The following TMPRSS12 variants were observed in gnomAD, a reference collection of about 807,000 sequenced individuals.
TMPRSS12 encodes the protein transmembrane protease serine 12.
In TMPRSS12, 25 loss-of-function variants were observed where a neutral mutation model predicts 26.0. The observed-to-expected ratio is 0.96, with a 90% CI of 0.70 to 1.34. The LOEUF (loss-of-function observed/expected upper bound fraction) is 1.34. Among genes scored for constraint, TMPRSS12 ranks in the 40% most tolerant of loss-of-function variants. The pLI, the probability that TMPRSS12 is intolerant of heterozygous loss-of-function variation, is 0.00. For synonymous variants in TMPRSS12, 150 were observed against 161.7 expected (o/e 0.93, Z 0.55); for missense variants, 441 against 440.1 (o/e 1.00, Z -0.02).
At chr12:50,864,699 C>G (rs1481781680) in intron 3 of TMPRSS12, among the ~76,000 whole-genome samples, 2 of 152,136 alleles carry the variant, frequency 1.3e-5, no homozygotes, top group African/African-American at 4.8e-5. Flanking sequence ...TGCTCTGTCA[C>G]CCAGCTGGAG....
intron 2 of TMPRSS12, among the ~76,000 whole-genome samples, chr12:50,857,490 C>T (rs1937889920): frequency 1.3e-5 from 2 of 152,158 alleles, no homozygotes; most frequent in African/African-American, 2.4e-5. Context: ...TATGCATGCA[C>T]TCACATAAAC....
chr12:50,855,034 G>T (rs1187164536), intron 2 of TMPRSS12, among the ~76,000 whole-genome samples: 1 of 152,096 alleles, frequency 6.6e-6, no homozygotes, highest in Non-Finnish European at 1.5e-5. Flanking sequence ...AACAAAGCTG[G>T]AGGCATCATA....
At chr12:50,847,308 C>T (rs577769850) in intron 2 of TMPRSS12, among the ~76,000 whole-genome samples, 4 of 151,848 alleles carry the variant, frequency 2.6e-5, no homozygotes, top group African/African-American at 9.6e-5. Context: ...CCGCCCGTCT[C>T]GGCCTCCCAA....
chr12:50,857,922 G>A (rs544502508), intron 2 of TMPRSS12, among the ~76,000 whole-genome samples: 1 of 151,634 alleles, frequency 6.6e-6, no homozygotes, highest in South Asian at 2.1e-4. Context: ...CCCGCCTCCC[G>A]GGTTCATGCC....
intron 2 of TMPRSS12, among the ~76,000 whole-genome samples, chr12:50,856,222 A>G (rs1937875805): frequency 6.6e-6 from 1 of 152,126 alleles, no homozygotes; most frequent in East Asian, 1.9e-4. Flanking sequence ...AAAGATATAA[A>G]TAAAAGTGTT....
At chr12:50,864,041 G>A (rs894402618) in intron 3 of TMPRSS12, among the ~76,000 whole-genome samples, 6 of 151,930 alleles carry the variant, frequency 3.9e-5, no homozygotes, top group African/African-American at 1.2e-4. Flanking sequence ...ACCTCCTATC[G>A]CCATCCCCAT....
At chr12:50,875,489 CA>C (rs56816598) in intron 3 of TMPRSS12, among the ~76,000 whole-genome samples, 111 of 69,476 alleles carry the variant, frequency 1.6e-3, no homozygotes, top group African/African-American at 2.2e-3. Context: ...GACTCCATCT[CA>C]AAAAAAAAAA....
Position 50,887,541 on chromosome 12 carries a change from A to G in TMPRSS12, c.*28A>G. On this transcript the variant is annotated 3_prime_UTR_variant, in exon 5 of 5. Transcript: ENST00000398458. ...AAATTCTGAAGGCTTTCATATCTTT[A>G]TTTTGCATTGTGTCCCTTTCTATGT... is the stretch of plus-strand genomic sequence containing the variant. 6.3e-7 allele frequency: 1 copy of G among 1,599,020 alleles called. No individual in the cohort carries two copies. Among genetic ancestry groups the G allele is most frequent in the East Asian group, 2.2e-5 (1 of 44,750 alleles).
intron 3 of TMPRSS12, among the ~76,000 whole-genome samples, chr12:50,876,623 C>T (rs553600638): frequency 1.5e-4 from 22 of 151,654 alleles, no homozygotes; most frequent in African/African-American, 4.6e-4. Context: ...GCTAACACGG[C>T]GAAACCCCGT....
chr12:50,867,722 A>G (rs1421621680), intron 3 of TMPRSS12, among the ~76,000 whole-genome samples: 1 of 152,190 alleles, frequency 6.6e-6, no homozygotes, highest in African/African-American at 2.4e-5. Context: ...GAGCCGTGAG[A>G]CAAAAGCACT....
chr12:50,876,851 T>C (rs942544007), intron 3 of TMPRSS12, among the ~76,000 whole-genome samples: 6 of 146,514 alleles, frequency 4.1e-5, no homozygotes, highest in African/African-American at 1.5e-4. Context: ...GTGGTACATA[T>C]GCACCATGGA....
At chr12:50,861,548 T>C (rs979052927) in intron 3 of TMPRSS12, among the ~76,000 whole-genome samples, 7 of 152,172 alleles carry the variant, frequency 4.6e-5, no homozygotes, top group Non-Finnish European at 7.4e-5. Flanking sequence ...ATTGACTCTT[T>C]AATAATAATT....
Position 50,844,388 on chromosome 12 carries a change from T to C in TMPRSS12, c.383+351T>C, listed in dbSNP as rs149191014. Among the ~76,000 whole-genome samples, 245 of 152,062 alleles carry C rather than the reference T, an allele frequency of 1.6e-3. 1 individual carries two copies. Among genetic ancestry groups the C allele is most frequent in the African/African-American group, 5.5e-3 (230 of 41,496 alleles). The stretch of plus-strand genomic sequence containing the variant: ...AATCCTTTATTTTTTACTTTTTTTT[T>C]TTTGAAATGGAGTGTCACTCTGTTA... On this transcript the variant is annotated intron_variant, in intron 2 of 4. Transcript: ENST00000398458.
intron 3 of TMPRSS12, among the ~76,000 whole-genome samples, chr12:50,876,192 A>C (rs1002503481): frequency 1.3e-5 from 2 of 152,238 alleles, no homozygotes; most frequent in African/African-American, 4.8e-5. Context: ...AATCAAAACC[A>C]TAATGAGATA....
intron 2 of TMPRSS12, among the ~76,000 whole-genome samples, chr12:50,855,134 G>A (rs1937863519): frequency 6.6e-6 from 1 of 152,060 alleles, no homozygotes; most frequent in Non-Finnish European, 1.5e-5. Flanking sequence ...AATGGAACAG[G>A]TTAGAGAACC....
In TMPRSS12 at chr12:50,885,342, C is replaced by A; in HGVS notation, c.749C>A (p.Thr250Asn). The A allele has an allele frequency of 1.2e-6, 2 of 1,613,806 alleles. No homozygotes were observed. The highest frequency in any genetic ancestry group is 1.7e-6 in the Non-Finnish European group (2 of 1,179,824). Residue 250 changes from threonine (T) to asparagine (N), a missense_variant, in exon 4 of 5, where the codon ACT becomes AAT. Coordinates refer to ENST00000398458, the MANE Select transcript of TMPRSS12 (RefSeq NM_182559.3). ...AGTTATGGGGGAATAATTCCTAACA[C>A]TTCATTTTGTGCAGGTGATGAAGAT... ...ERSYGGIIPNTSFCAGDEDGA... is the reference protein window; with the variant it reads ...ERSYGGIIPNNSFCAGDEDGA...
intron 3 of TMPRSS12, among the ~76,000 whole-genome samples, chr12:50,877,792 T>C (rs951334512): frequency 2.0e-5 from 3 of 152,282 alleles, no homozygotes; most frequent in African/African-American, 7.2e-5. Flanking sequence ...GTATTTTTAG[T>C]AGAGACGGGG....
intron 2 of TMPRSS12, among the ~76,000 whole-genome samples, chr12:50,844,243 C>T (rs897014928): frequency 6.6e-6 from 1 of 151,988 alleles, no homozygotes; most frequent in Admixed American, 6.6e-5. Context: ...ATGTGCAGAA[C>T]GTGCAGGTTT....
chr12:50,863,979 A>G (rs1269815168), intron 3 of TMPRSS12, among the ~76,000 whole-genome samples: 1 of 152,218 alleles, frequency 6.6e-6, no homozygotes, highest in African/African-American at 2.4e-5. Flanking sequence ...CTCCATAATT[A>G]TTTTAAAATA....
Sources: allele counts gnomAD v4.1 joint callset (sites outside exome capture counted in the v4.1 genomes callset), GRCh38; gene constraint gnomAD v4.1.1; transcripts MANE v1.5; gene names NCBI Gene and HGNC (gene_info 2026-07-23, HGNC 2026-07-21).